Variants in SHC3 observed in about 807,000 individuals in gnomAD.
The protein encoded by SHC3 is SHC adaptor protein 3, also known as SHC-transforming protein 3.
In SHC3, 15 loss-of-function variants were observed where a neutral mutation model predicts 60.4. The ratio of observed to expected loss-of-function variants is 0.25; its 90% confidence interval spans 0.17 to 0.38. The LOEUF (loss-of-function observed/expected upper bound fraction) is 0.38, where lower values mean the gene tolerates loss of function less well. Ranked by LOEUF, SHC3 falls within the 10% of genes least tolerant of loss-of-function variation. The pLI is 1.00. For missense variants in SHC3, 677 were observed against 786.1 expected (o/e 0.86, Z 1.66); for synonymous variants, 294 against 325.9 (o/e 0.90, Z 1.05).
Position 89,038,162 on chromosome 9 carries a change from G to A in SHC3, c.1487C>T (p.Ala496Val), listed in dbSNP as rs528507014. Residue 496 changes from alanine (A) to valine (V), a missense_variant, in exon 11 of 12, where the codon GCC (alanine) becomes GTC (valine). Ala to Val is a moderately conservative substitution (Grantham distance 64). Transcript: ENST00000375835. ...PDAKMLEELQ[A>V]ETWYQGEMSR... Reference sequence around the variant, plus strand: ...CATCTCTCCTTGGTACCAAGTCTCGGCTTGCAGTTCCTCCAGCATCTTGGC... The same window carrying A: ...CATCTCTCCTTGGTACCAAGTCTCGACTTGCAGTTCCTCCAGCATCTTGGC... The A allele has an allele frequency of 1.2e-6, 2 of 1,613,970 alleles. No homozygotes were observed. The highest frequency in any genetic ancestry group is 3.3e-5 in the Admixed American group (2 of 60,006).
At chr9:89,075,531 T>A (rs1825343609) in intron 3 of SHC3, among the ~76,000 whole-genome samples, 1 of 152,216 alleles carries the variant, frequency 6.6e-6, no homozygotes, top group Non-Finnish European at 1.5e-5. Flanking sequence ...AAGTGTCTCA[T>A]GGAGAAGTCC....
At chr9:89,040,089 A>G (rs1396021306) in intron 10 of SHC3, among the ~76,000 whole-genome samples, 5 of 147,560 alleles carry the variant, frequency 3.4e-5, no homozygotes, top group Non-Finnish European at 7.5e-5. Context: ...CACCAGCACC[A>G]TCATCAGCAT....
chr9:89,140,374 C>A (rs1219121100), intron 1 of SHC3, among the ~76,000 whole-genome samples: 1 of 151,848 alleles, frequency 6.6e-6, no homozygotes, highest in East Asian at 1.9e-4. Context: ...TATACCAGAT[C>A]TTGGATCCCA....
At chr9:89,146,629 G>A (rs1016631843) in intron 1 of SHC3, among the ~76,000 whole-genome samples, 4 of 152,148 alleles carry the variant, frequency 2.6e-5, no homozygotes, top group Non-Finnish European at 5.9e-5. Flanking sequence ...ATGAGGGGAA[G>A]GGAAAGGAGG....
At chr9:89,032,665 G>A (rs962550661) in intron 11 of SHC3, among the ~76,000 whole-genome samples, 6 of 152,174 alleles carry the variant, frequency 3.9e-5, no homozygotes, top group African/African-American at 1.4e-4. Context: ...GGGCTCAGAA[G>A]ATGCCCCACG....
chr9:89,040,219 TCACCACCACCATCACCAC>T (rs1824661473), intron 10 of SHC3, among the ~76,000 whole-genome samples: 2 of 146,754 alleles, frequency 1.4e-5, no homozygotes, highest in Non-Finnish European at 3.0e-5. Context: ...ATCATCATCA[TCACCACCACCATCACCAC>T]CACCACCACC....
At chr9:89,015,484 T>C (rs1826078064) in intron 11 of SHC3, among the ~76,000 whole-genome samples, 1 of 152,228 alleles carries the variant, frequency 6.6e-6, no homozygotes, top group South Asian at 2.1e-4. Context: ...CCTCCAGTGA[T>C]TCCAACATGC....
chr9:89,074,481 T>C (rs1825322468), intron 4 of SHC3, among the ~76,000 whole-genome samples: 4 of 152,156 alleles, frequency 2.6e-5, no homozygotes, highest in Admixed American at 2.6e-4. Context: ...AAGAAATTAA[T>C]GATGACTAGA....
intron 11 of SHC3, among the ~76,000 whole-genome samples, chr9:89,014,713 T>C (rs1587673484): frequency 6.6e-6 from 1 of 152,120 alleles, no homozygotes; most frequent in Non-Finnish European, 1.5e-5. Flanking sequence ...TCATTGTGAC[T>C]CCTGCTTCCA....
At position 89,006,865 on chromosome 9, in the gene SHC3, C is replaced by A. The variant is rs1007275878; in HGVS notation, c.*6582G>T. The A allele has an allele frequency of 1.3e-5, 2 of 152,114 alleles. No homozygotes were observed. Among genetic ancestry groups the A allele is most frequent in the Admixed American group, 6.5e-5 (1 of 15,276 alleles). 9.4% of individuals were successfully genotyped at this position (152,114 alleles called of 1,614,324 possible). ...TAAAGACGGATTTATCCATTAATGC[C>A]TGTTTTAATTGTCACTTGATTTTGA... On this transcript the variant is annotated 3_prime_UTR_variant, in exon 12 of 12. Coordinates refer to ENST00000375835, the MANE Select transcript of SHC3 (RefSeq NM_016848.6).
At chr9:89,025,779 C>T (rs969664749) in intron 11 of SHC3, among the ~76,000 whole-genome samples, 1 of 152,212 alleles carries the variant, frequency 6.6e-6, no homozygotes, top group African/African-American at 2.4e-5. Context: ...AAGTATTTTA[C>T]CCTAAAATAT....
At chr9:89,045,608 G>C in intron 9 of SHC3, 138 bp downstream of exon 9, 1 of 743,024 alleles carries the variant, frequency 1.3e-6, no homozygotes, top group South Asian at 1.8e-5. Context: ...GTCTAGTCAG[G>C]ATTCTATAGC....
At chr9:89,103,309 A>G (rs1277205403) in intron 2 of SHC3, among the ~76,000 whole-genome samples, 1 of 152,202 alleles carries the variant, frequency 6.6e-6, no homozygotes, top group Non-Finnish European at 1.5e-5. Context: ...ACAGGGAGAA[A>G]GATGAGATGA....
At chr9:89,018,916 G>A (rs1345988393) in intron 11 of SHC3, among the ~76,000 whole-genome samples, 10 of 151,138 alleles carry the variant, frequency 6.6e-5, no homozygotes, top group Non-Finnish European at 8.9e-5. Flanking sequence ...AAAATTAGCC[G>A]GACGTCATGG....
At chr9:89,133,617 T>C (rs1454189660) in intron 1 of SHC3, among the ~76,000 whole-genome samples, 2 of 152,132 alleles carry the variant, frequency 1.3e-5, no homozygotes, top group Non-Finnish European at 2.9e-5. Flanking sequence ...TGTAGGGACA[T>C]GGATGAAGCT....
At chr9:89,071,025 C>A (rs1825261492) in intron 5 of SHC3, among the ~76,000 whole-genome samples, 174 bp downstream of exon 5, 1 of 152,090 alleles carries the variant, frequency 6.6e-6, no homozygotes, top group Admixed American at 6.6e-5. Flanking sequence ...TCACAGCTTA[C>A]CCCTAAAAAT....
rs530675846 is a variant in SHC3, at chr9:89,018,951, C to T, written c.1657-5376G>A. Among the ~76,000 whole-genome samples the T allele has an allele frequency of 9.3e-5, 14 of 151,218 alleles. No homozygotes were observed. In the East Asian group the frequency reaches 2.0e-3, roughly 21 times the overall value. On this transcript the variant is annotated intron_variant, in intron 11 of 11. Coordinates refer to ENST00000375835, the MANE Select transcript of SHC3 (RefSeq NM_016848.6). Reference sequence around the variant, plus strand: ...GTGGGTACCTGTAATCCCAGCTACTCGGAAGGCTGAGGCAGGAAAGTCGCT... The same window carrying T: ...GTGGGTACCTGTAATCCCAGCTACTTGGAAGGCTGAGGCAGGAAAGTCGCT...
rs1228739702 is a variant in SHC3 at position 89,010,164 on chromosome 9, G to A, written c.*3283C>T. On this transcript the variant is annotated 3_prime_UTR_variant, in exon 12 of 12. Transcript: ENST00000375835. ...TGTCCATTATCCCAACATCATAGAT[G>A]GCCTGACAAAATAGCTGCTCGCTCA... is the stretch of plus-strand genomic sequence containing the variant. 6.6e-6 allele frequency: 1 copy of A among 152,222 alleles called. No homozygotes were observed. 9.4% of individuals were successfully genotyped at this position (152,222 alleles called of 1,614,324 possible).
chr9:89,068,767 T>G (rs1159723305), intron 5 of SHC3, among the ~76,000 whole-genome samples: 1 of 152,214 alleles, frequency 6.6e-6, no homozygotes, highest in Non-Finnish European at 1.5e-5. Context: ...CCAATGTAAT[T>G]GGCTCCCAAC....
Sources: allele counts gnomAD v4.1 joint callset (sites outside exome capture counted in the v4.1 genomes callset), GRCh38; gene constraint gnomAD v4.1.1; transcripts MANE v1.5; gene names NCBI Gene and HGNC (gene_info 2026-07-23, HGNC 2026-07-21).